PPP6R2: variants seen among roughly 807,000 people sequenced by gnomAD.
The protein encoded by PPP6R2 is protein phosphatase 6 regulatory subunit 2, also known as serine/threonine-protein phosphatase 6 regulatory subunit 2.
Under a neutral mutation model 100.2 loss-of-function variants are expected in PPP6R2, and 62 were observed. The observed-to-expected ratio is 0.62, with a 90% CI of 0.50 to 0.76. The LOEUF (loss-of-function observed/expected upper bound fraction) is 0.76, where lower values mean the gene tolerates loss of function less well. Ranked by LOEUF, PPP6R2 falls within the 30% of genes least tolerant of loss-of-function variation. The pLI, the probability that PPP6R2 is intolerant of heterozygous loss-of-function variation, is 0.00. For synonymous variants in PPP6R2, 525 were observed against 514.7 expected (o/e 1.02, Z -0.27); for missense variants, 1,142 against 1,276.3 (o/e 0.89, Z 1.60).
In PPP6R2 at chr22:50,437,826, C is replaced by T. The variant is rs1389825100; in HGVS notation, c.1782-17C>T. 4.5e-6 allele frequency: 7 copies of T among 1,551,924 alleles called. No homozygotes were observed. Among genetic ancestry groups the T allele is most frequent in the Non-Finnish European group, 5.2e-6 (6 of 1,147,200 alleles). On this transcript the variant is annotated splice_polypyrimidine_tract_variant and intron_variant, in intron 16 of 23. Coordinates refer to ENST00000612753, the MANE Select transcript of PPP6R2 (RefSeq NM_001242898.2). ...GGGCCTGGAGGAACGCTGAAGCCAT[C>T]CCCCTTGCTCTTGCAGTGCCCCGTT...
At chr22:50,429,052 C>G (rs2148027739) in intron 10 of PPP6R2, among the ~76,000 whole-genome samples, 1 of 149,096 alleles carries the variant, frequency 6.7e-6, no homozygotes, top group South Asian at 2.1e-4. Flanking sequence ...TTTTTTGAGA[C>G]AGAGTTTTGC....
intron 15 of PPP6R2, 23 bp from the exon 16 acceptor site, chr22:50,437,483 C>CAACCCCA: frequency 1.4e-6 from 1 of 734,984 alleles, no homozygotes; most frequent in Non-Finnish European, 2.5e-6. Context: ...CTGTCCGTCC[C>CAACCCCA]TCCCTCCCTC....
chr22:50,356,209 CTG>C, intron 1 of PPP6R2, among the ~76,000 whole-genome samples: 1 of 152,188 alleles, frequency 6.6e-6, no homozygotes, highest in Admixed American at 6.5e-5. Flanking sequence ...CGTGATCTGC[CTG>C]CCTCGGCCTC....
intron 1 of PPP6R2, among the ~76,000 whole-genome samples, chr22:50,356,409 C>A (rs2046596088): frequency 6.7e-6 from 1 of 149,868 alleles, no homozygotes; most frequent in African/African-American, 2.5e-5. Context: ...CTGAGGTAGT[C>A]ATCACACCTC....
intron 15 of PPP6R2, 77 bp from the exon 16 acceptor site, chr22:50,437,429 C>T: frequency 9.6e-7 from 1 of 1,044,604 alleles, no homozygotes; most frequent in Non-Finnish European, 1.5e-6. Flanking sequence ...TTGTGGTTCC[C>T]AAAGAGCAGC....
chr22:50,406,617 A>T (rs907379145), intron 3 of PPP6R2, 72 bp from the exon 4 acceptor site: 2 of 1,418,208 alleles, frequency 1.4e-6, no homozygotes, highest in Non-Finnish European at 2.0e-6. Flanking sequence ...TAAGAAGCAG[A>T]CTATGTAAGC....
In PPP6R2 at chr22:50,423,357, C is replaced by G. The variant is rs2061583212; in HGVS notation, c.973-105C>G. The G allele has an allele frequency of 2.1e-6, 3 of 1,421,074 alleles. No homozygotes were observed. In the African/African-American group the frequency reaches 4.2e-5, roughly 20 times the overall value. The allele number at this position is 1,421,074 out of a possible 1,614,324, so 88.0% of individuals were successfully genotyped here. ...GAACCCCCACCACATACCTCGCTAC[C>G]CCAGGCTGGGTCCCAGCCTAGAGTG... On this transcript the variant is annotated intron_variant, in intron 9 of 23. Transcript: ENST00000612753. This position sits in a 1 kb window ranked among gnomAD's most constrained non-coding sequence, Gnocchi z 4.8.
chr22:50,355,241 T>TC (rs2046233014), intron 1 of PPP6R2, among the ~76,000 whole-genome samples: 5 of 150,368 alleles, frequency 3.3e-5, no homozygotes, highest in African/African-American at 1.2e-4. Context: ...TTTTTTTTTT[T>TC]TTTTTTTCTT....
chr22:50,347,284 T>A (rs1397998110), intron 1 of PPP6R2, among the ~76,000 whole-genome samples: 1 of 152,096 alleles, frequency 6.6e-6, no homozygotes, highest in Non-Finnish European at 1.5e-5. Flanking sequence ...CCCCACTGCT[T>A]CTCTCCTGCC....
chr22:50,339,139 G>A (rs1325360445), upstream of PPP6R2, among the ~76,000 whole-genome samples: 1 of 141,632 alleles, frequency 7.1e-6, no homozygotes, highest in Non-Finnish European at 1.5e-5. Context: ...AGTGTGTGTG[G>A]TTTGTGGTGT....
chr22:50,351,055 TTTG>T (rs2045071869), intron 1 of PPP6R2, among the ~76,000 whole-genome samples: 1 of 127,866 alleles, frequency 7.8e-6, no homozygotes, highest in African/African-American at 2.8e-5. Flanking sequence ...TTTTTTTTTT[TTTG>T]AGACAGAGTT....
chr22:50,348,580 G>T (rs1000413630), intron 1 of PPP6R2, among the ~76,000 whole-genome samples: 9 of 152,138 alleles, frequency 5.9e-5, no homozygotes, highest in Non-Finnish European at 7.3e-5. Flanking sequence ...CAGGGCTGGG[G>T]GTGTTACTAC....
At chr22:50,334,175 G>A in the PPP6R2 span, among the ~76,000 whole-genome samples, 1 of 152,344 alleles carries the variant, frequency 6.6e-6, no homozygotes, top group East Asian at 1.9e-4. Context: ...CTGCGGGCGG[G>A]CCTGACTGAT....
At chr22:50,341,191 T>C (rs1297088670), upstream of PPP6R2, among the ~76,000 whole-genome samples, 1 of 151,830 alleles carries the variant, frequency 6.6e-6, no homozygotes, top group African/African-American at 2.4e-5. Flanking sequence ...GGATTACAGG[T>C]GTGAGCCACC....
chr22:50,365,784 C>T (rs2048657911), intron 1 of PPP6R2, among the ~76,000 whole-genome samples: 3 of 151,582 alleles, frequency 2.0e-5, no homozygotes, highest in African/African-American at 7.3e-5. Flanking sequence ...GGCTGGATTG[C>T]AGTGGTGCAA....
intron 1 of PPP6R2, among the ~76,000 whole-genome samples, chr22:50,358,827 C>A (rs73188928): frequency 0.19 from 28,711 of 152,170 alleles, 3,010 homozygotes; most frequent in South Asian, 0.35. Context: ...CTTCTCCATT[C>A]AATTCCATTG....
At position 50,416,130 on chromosome 22, in the gene PPP6R2, G is replaced by A. The variant is rs1159132746; in HGVS notation, c.591G>A (p.Glu197=). 3.7e-6 allele frequency: 6 copies of A among 1,613,684 alleles called. No homozygotes were observed. In the Admixed American group the frequency reaches 1.0e-4, roughly 27 times the overall value. The change falls in exon 6 of 24, where the codon GAG becomes GAA. Residue 197 remains glutamate, a synonymous_variant. Transcript: ENST00000612753. The part of the protein sequence containing the change: ...NEEKVIQRLV[E]LIHPSQDEDR... ...AGAAGGTCATCCAGAGGCTTGTGGAGTTGATCCACCCGAGCCAGGATGAAG... is the reference window on the plus strand; with the variant it reads ...AGAAGGTCATCCAGAGGCTTGTGGAATTGATCCACCCGAGCCAGGATGAAG...
intron 8 of PPP6R2, among the ~76,000 whole-genome samples, chr22:50,421,464 C>A (rs1196299611): frequency 6.6e-6 from 1 of 152,198 alleles, no homozygotes; most frequent in Admixed American, 6.5e-5. Flanking sequence ...CACCTGTCCC[C>A]CCCAAAGTGC....
At chr22:50,351,856 C>T (rs537362924) in intron 1 of PPP6R2, among the ~76,000 whole-genome samples, 6 of 152,080 alleles carry the variant, frequency 3.9e-5, no homozygotes, top group Admixed American at 6.6e-5. Flanking sequence ...TGCAGTGGCG[C>T]GATCTCGGCT....
Sources: allele counts gnomAD v4.1 joint callset (sites outside exome capture counted in the v4.1 genomes callset), GRCh38; gene constraint gnomAD v4.1.1; non-coding constraint Gnocchi (gnomAD v3.1); transcripts MANE v1.5; gene names NCBI Gene and HGNC (gene_info 2026-07-23, HGNC 2026-07-21).